Variants in CACNA2D3 observed in about 807,000 individuals in gnomAD.
The protein encoded by CACNA2D3 is voltage-dependent calcium channel subunit alpha-2/delta-3.
Under a neutral mutation model 160.6 loss-of-function variants are expected in CACNA2D3, and 60 were observed. The observed-to-expected ratio is 0.37, with a 90% CI of 0.30 to 0.46. The LOEUF is 0.46. Among genes scored for constraint, CACNA2D3 ranks in the 20% least tolerant of loss-of-function variants. The pLI is 1.00. For synonymous variants in CACNA2D3, 558 were observed against 492.9 expected (o/e 1.13, Z -1.75); for missense variants, 1,205 against 1,365.0 (o/e 0.88, Z 1.85).
intron 17 of CACNA2D3, among the ~76,000 whole-genome samples, chr3:54,855,336 G>A (rs1575513166): frequency 6.6e-6 from 1 of 152,268 alleles, no homozygotes; most frequent in Non-Finnish European, 1.5e-5. Flanking sequence ...ATGCAGATGG[G>A]TGGGTGCGCC....
intron 13 of CACNA2D3, among the ~76,000 whole-genome samples, chr3:54,811,734 C>T (rs530734567): frequency 2.0e-5 from 3 of 152,172 alleles, no homozygotes; most frequent in South Asian, 2.1e-4. Context: ...CTCCTGACCT[C>T]GGGTGATCTG....
chr3:54,958,166 T>G (rs896000858), intron 27 of CACNA2D3, among the ~76,000 whole-genome samples: 2 of 152,332 alleles, frequency 1.3e-5, no homozygotes, highest in South Asian at 4.1e-4. Flanking sequence ...AAAATGTCAT[T>G]TAATGTCAAA....
At position 54,642,251 on chromosome 3, in the gene CACNA2D3, T is replaced by C. The variant is rs1438993830; in HGVS notation, c.1167+10T>C. Reference sequence around the variant, plus strand: ...TTGGCCAGATCGAAAGGTAAGTTGATGCTGATCCCGTCTGTGCGGTGGACT... The same window carrying C: ...TTGGCCAGATCGAAAGGTAAGTTGACGCTGATCCCGTCTGTGCGGTGGACT... On this transcript the variant is annotated intron_variant, in intron 11 of 37. Transcript: ENST00000474759. 1.9e-6 allele frequency: 3 copies of C among 1,555,158 alleles called. No individual in the cohort carries two copies. The highest frequency in any genetic ancestry group is 2.7e-6 in the Non-Finnish European group (3 of 1,130,890).
intron 5 of CACNA2D3, among the ~76,000 whole-genome samples, chr3:54,538,796 C>T (rs948794870): frequency 2.6e-5 from 4 of 152,056 alleles, no homozygotes; most frequent in African/African-American, 9.7e-5. Flanking sequence ...GACCCCTGGC[C>T]CATTTCTCTT....
At chr3:54,598,307 C>G (rs1221308360) in intron 9 of CACNA2D3, among the ~76,000 whole-genome samples, 1 of 49,846 alleles carries the variant, frequency 2.0e-5, no homozygotes, top group Non-Finnish European at 3.4e-5. Flanking sequence ...CTCCGTCTCA[C>G]AAAAAAAAAA....
At chr3:54,174,914 A>T (rs1007578329) in intron 2 of CACNA2D3, among the ~76,000 whole-genome samples, 1 of 152,072 alleles carries the variant, frequency 6.6e-6, no homozygotes, top group Non-Finnish European at 1.5e-5. Flanking sequence ...GGAGGCATCG[A>T]TTTTTGAGGT....
At chr3:54,334,949 G>A (rs1166221640) in intron 3 of CACNA2D3, among the ~76,000 whole-genome samples, 1 of 152,116 alleles carries the variant, frequency 6.6e-6, no homozygotes, top group Admixed American at 6.5e-5. Context: ...CTAAGCTTTG[G>A]GAACCTTAAC....
chr3:54,496,995 C>T (rs754537462), intron 4 of CACNA2D3, among the ~76,000 whole-genome samples: 57 of 152,112 alleles, frequency 3.7e-4, no homozygotes, highest in African/African-American at 4.8e-4. Flanking sequence ...TTATACCATA[C>T]TGCTTTGATT....
At chr3:54,936,639 A>G (rs147577270) in intron 27 of CACNA2D3, among the ~76,000 whole-genome samples, 19 of 152,150 alleles carry the variant, frequency 1.2e-4, no homozygotes, top group African/African-American at 4.6e-4. Flanking sequence ...TACCTACTAC[A>G]TGCTCGTGCT....
chr3:54,129,788 G>A (rs1699671100), intron 2 of CACNA2D3, among the ~76,000 whole-genome samples: 1 of 152,140 alleles, frequency 6.6e-6, no homozygotes, highest in African/African-American at 2.4e-5. Flanking sequence ...TGATATTTGG[G>A]GCCTGCACAT....
chr3:54,968,361 C>T (rs1702198588), intron 27 of CACNA2D3, 89 bp from the exon 28 acceptor site: 10 of 832,812 alleles, frequency 1.2e-5, no homozygotes, highest in Non-Finnish European at 2.0e-5. Flanking sequence ...ATATCAGCTT[C>T]TTGCCATGAC....
rs186242462 is a variant in CACNA2D3, at chr3:54,499,559, C to T, written c.382-3933C>T. ...ACATGTGTTCAGTGCTATAAATTTC[C>T]TTGTAAGCTTTGCTTTTGCTACATC... On this transcript the variant is annotated intron_variant, in intron 4 of 37. Transcript: ENST00000474759. Among the ~76,000 whole-genome samples, 795 of 152,090 alleles carry T rather than the reference C, an allele frequency of 5.2e-3. 8 individuals are homozygous for T. The highest frequency in any genetic ancestry group is 5.5e-3 in the Non-Finnish European group (372 of 67,962).
At chr3:55,009,899 A>T (rs1177994560) in intron 34 of CACNA2D3, among the ~76,000 whole-genome samples, 1 of 152,284 alleles carries the variant, frequency 6.6e-6, no homozygotes, top group East Asian at 1.9e-4. Context: ...GGGTGTAATT[A>T]GTAGAGACTC....
At chr3:54,241,156 A>G (rs540955904) in intron 2 of CACNA2D3, among the ~76,000 whole-genome samples, 1 of 152,172 alleles carries the variant, frequency 6.6e-6, no homozygotes, top group Non-Finnish European at 1.5e-5. Flanking sequence ...GGGTCAGTCT[A>G]TATCTTTGCT....
intron 5 of CACNA2D3, among the ~76,000 whole-genome samples, chr3:54,519,066 T>C (rs1701603822): frequency 6.6e-6 from 1 of 152,292 alleles, no homozygotes; most frequent in East Asian, 1.9e-4. Flanking sequence ...GCTCTGTGCA[T>C]GTCTGCCTGC....
At chr3:54,953,899 C>T (rs1701818922) in intron 27 of CACNA2D3, among the ~76,000 whole-genome samples, 1 of 152,166 alleles carries the variant, frequency 6.6e-6, no homozygotes, top group Non-Finnish European at 1.5e-5. Flanking sequence ...CTCTTGAGGT[C>T]ACCCCGTTTT....
chr3:54,990,786 C>A (rs1023930661), intron 31 of CACNA2D3, among the ~76,000 whole-genome samples: 2 of 152,146 alleles, frequency 1.3e-5, no homozygotes, highest in Non-Finnish European at 2.9e-5. Context: ...CCTGACAGTG[C>A]CATCAGAGGG....
intron 10 of CACNA2D3, chr3:54,637,550 A>T (rs576042983): frequency 6.6e-6 from 1 of 152,070 alleles, no homozygotes; most frequent in South Asian, 2.1e-4. Flanking sequence ...GGGAGTTTTA[A>T]GAGGTTTAGA....
intron 2 of CACNA2D3, 66 bp from the exon 3 acceptor site, chr3:54,320,376 T>G: frequency 1.4e-6 from 1 of 711,236 alleles, no homozygotes; most frequent in Non-Finnish European, 2.3e-6. Flanking sequence ...GTAGATGTGG[T>G]CTGAAATCAC....
Sources: allele counts gnomAD v4.1 joint callset (sites outside exome capture counted in the v4.1 genomes callset), GRCh38; gene constraint gnomAD v4.1.1; transcripts MANE v1.5; gene names NCBI Gene and HGNC (gene_info 2026-07-23, HGNC 2026-07-21).